Variants in AQP10 observed in about 807,000 individuals in gnomAD.
AQP10 encodes aquaporin 10.
AQP10 carries 15 observed loss-of-function variants against 21.0 expected under a neutral mutation model. That is an observed-to-expected ratio of 0.71 (90% CI 0.48 to 1.10). The LOEUF (loss-of-function observed/expected upper bound fraction) is 1.10. Ranked by LOEUF, AQP10 falls within the 50% of genes least tolerant of loss-of-function variation. The probability of loss-of-function intolerance (pLI) is 0.00; values close to 1 mark genes in which losing one functional copy is unlikely to be tolerated. For synonymous variants in AQP10, 143 were observed against 155.7 expected, an observed-to-expected ratio of 0.92 and a Z score of 0.61; for missense variants, 268 against 379.5, an observed-to-expected ratio of 0.71 and a Z score of 2.44.
intron 1 of AQP10, 53 bp downstream of exon 1, chr1:154,321,313 G>C: frequency 6.9e-7 from 1 of 1,447,198 alleles, no homozygotes; most frequent in Non-Finnish European, 9.5e-7. Context: ...AAAGTTCCTG[G>C]CTCCTTCTGT....
intron 5 of AQP10, chr1:154,324,067 T>C (rs1219156136): frequency 7.7e-7 from 1 of 1,300,086 alleles, no homozygotes; most frequent in African/African-American, 1.5e-5. Context: ...AAAATTAATA[T>C]ATTCAGATAA....
At position 154,323,541 on chromosome 1, in the gene AQP10, G is replaced by C; in HGVS notation, c.490-48G>C. On this transcript the variant is annotated intron_variant, in intron 4 of 5. Transcript: ENST00000324978. The surrounding 1 kb of genome is among the most constrained non-coding windows in gnomAD (Gnocchi z 4.5). ...ATATTTGGATGAGAGAGGGCAGATG[G>C]AGCACCTGGCAGCTGACAGGGAACC... is the stretch of plus-strand genomic sequence containing the variant. 1 of 1,586,334 alleles carries C rather than the reference G, an allele frequency of 6.3e-7. No individual in the cohort carries two copies. The highest frequency in any genetic ancestry group is 8.6e-7 in the Non-Finnish European group (1 of 1,160,476).
At chr1:154,322,489 C>CTTCTTCTTCTTTTTT (rs376265152) in intron 2 of AQP10, among the ~76,000 whole-genome samples, 7 of 117,854 alleles carry the variant, frequency 5.9e-5, no homozygotes, top group South Asian at 2.9e-4. Flanking sequence ...GTGTCTTCTT[C>CTTCTTCTTCTTTTTT]TTTTTTTTTT....
At position 154,323,391 on chromosome 1, in the gene AQP10, C is replaced by G; in HGVS notation, c.489+32C>G. On this transcript the variant is annotated intron_variant, in intron 4 of 5. Coordinates refer to ENST00000324978, the MANE Select transcript of AQP10 (RefSeq NM_080429.3). This position sits in a 1 kb window ranked among gnomAD's most constrained non-coding sequence, Gnocchi z 4.5. The stretch of plus-strand genomic sequence containing the variant: ...GTGAGGGGGAGACCTGGGGACACTA[C>G]TTTGGTCCTGTTCCTCGGCACCCCA... The G allele has an allele frequency of 6.3e-7, 1 of 1,598,930 alleles. No individual in the cohort carries two copies. Among genetic ancestry groups the G allele is most frequent in the Non-Finnish European group, 8.6e-7 (1 of 1,167,448 alleles).
chr1:154,322,422 C>G (rs1208466420), intron 2 of AQP10, among the ~76,000 whole-genome samples: 1 of 151,018 alleles, frequency 6.6e-6, no homozygotes, highest in Non-Finnish European at 1.5e-5. Context: ...AGCCTTGAGA[C>G]ATAGTGTGTT....
In AQP10 at chr1:154,323,811, G is replaced by C; in HGVS notation, c.707+5G>C. ...CTGGGGTCCTGAAGTCTTCAGGTGG[G>C]AGACAGACTCTCCTGGTGCTGGCCT... On this transcript the variant is annotated splice_donor_5th_base_variant and intron_variant, in intron 5 of 5. Transcript: ENST00000324978. This position sits in a 1 kb window ranked among gnomAD's most constrained non-coding sequence, Gnocchi z 4.5. The C allele has an allele frequency of 6.2e-7, 1 of 1,613,680 alleles. No homozygotes were observed. The highest frequency in any genetic ancestry group is 8.5e-7 in the Non-Finnish European group (1 of 1,179,746).
At position 154,324,651 on chromosome 1, in the gene AQP10, T is replaced by A. The variant is rs1215166875; in HGVS notation, c.*171T>A. Reference sequence around the variant, plus strand: ...AAGAAGGATCCTGGACAGGGAGAAGTGGAGGAGGATAAGGTACCAGGACTC... The same window carrying A: ...AAGAAGGATCCTGGACAGGGAGAAGAGGAGGAGGATAAGGTACCAGGACTC... On this transcript the variant is annotated 3_prime_UTR_variant, in exon 6 of 6. Coordinates refer to ENST00000324978, the MANE Select transcript of AQP10 (RefSeq NM_080429.3). 8 of 662,108 alleles carry A rather than the reference T, an allele frequency of 1.2e-5. No individual in the cohort carries two copies. Among genetic ancestry groups the A allele is most frequent in the Non-Finnish European group, 1.9e-5 (8 of 415,038 alleles). 41.0% of individuals were successfully genotyped at this position (662,108 alleles called of 1,614,324 possible). A position where few individuals can be genotyped will look rare whatever the true frequency, so the allele number is the denominator to read the frequency against.
At position 154,324,805 on chromosome 1, in the gene AQP10, C is replaced by T. The variant is rs1024564624; in HGVS notation, c.*325C>T. On this transcript the variant is annotated 3_prime_UTR_variant, in exon 6 of 6. Transcript: ENST00000324978. The stretch of plus-strand genomic sequence containing the variant: ...GGATGGGGACGGCTGCGGGCATCTG[C>T]AGGGTGGAGGGGGCCACCATCCAGT... 1.3e-5 allele frequency: 3 copies of T among 225,738 alleles called. No homozygotes were observed. The highest frequency in any genetic ancestry group is 4.6e-5 in the African/African-American group (2 of 43,372). The allele number at this position is 225,738 out of a possible 1,614,324, so 14.0% of individuals were successfully genotyped here. A position where few individuals can be genotyped will look rare whatever the true frequency, so the allele number is the denominator to read the frequency against.
intron 1 of AQP10, among the ~76,000 whole-genome samples, chr1:154,321,713 C>T (rs896613835): frequency 6.6e-6 from 1 of 152,176 alleles, no homozygotes; most frequent in African/African-American, 2.4e-5. Context: ...CCCTCAAATG[C>T]CTATGAGTTG....
chr1:154,321,699 T>G (rs1281919405), intron 1 of AQP10, among the ~76,000 whole-genome samples: 1 of 152,234 alleles, frequency 6.6e-6, no homozygotes, highest in East Asian at 1.9e-4. Context: ...GCCATGGGTT[T>G]GTACCCTCAA....
chr1:154,324,023 C>T (rs1685706841), intron 5 of AQP10: 1 of 1,415,796 alleles, frequency 7.1e-7, no homozygotes, highest in Non-Finnish European at 9.3e-7. Flanking sequence ...AGGCATGCCA[C>T]ATTACTTCCA....
At chr1:154,322,481 G>A (rs1685666631) in intron 2 of AQP10, among the ~76,000 whole-genome samples, 2 of 129,132 alleles carry the variant, frequency 1.5e-5, no homozygotes, top group African/African-American at 3.0e-5. Flanking sequence ...GATTCACAGT[G>A]TCTTCTTCTT....
At position 154,324,353 on chromosome 1, in the gene AQP10, ACCAG is replaced by A. The variant is rs1450034559; in HGVS notation, c.781_784del (p.Gln261CysfsTer42). 1 of 1,609,710 alleles carries A rather than the reference ACCAG, an allele frequency of 6.2e-7. No homozygotes were observed. Among genetic ancestry groups the A allele is most frequent in the South Asian group, 1.1e-5 (1 of 90,670 alleles). ...GGGGCCACCGTTGGCACAGCCACTT[ACCAG>A]CTGTTGGTGGCTCTGCACCACCCTG... On this transcript the variant is annotated frameshift_variant, in exon 6 of 6. Transcript: ENST00000324978. LOFTEE classifies it low-confidence loss of function (END_TRUNC).
rs748209434 is a variant in AQP10 at position 154,323,542 on chromosome 1, A to G, written c.490-47A>G. 1 of 1,582,694 alleles carries G rather than the reference A, an allele frequency of 6.3e-7. No individual in the cohort carries two copies. The highest frequency in any genetic ancestry group is 1.7e-5 in the Admixed American group (1 of 58,910). On this transcript the variant is annotated intron_variant, in intron 4 of 5. Coordinates refer to ENST00000324978, the MANE Select transcript of AQP10 (RefSeq NM_080429.3). The surrounding 1 kb of genome is among the most constrained non-coding windows in gnomAD (Gnocchi z 4.5). ...TATTTGGATGAGAGAGGGCAGATGG[A>G]GCACCTGGCAGCTGACAGGGAACCC...
rs1158005561 is a variant in AQP10, at chr1:154,322,027, C to T, written c.200C>T (p.Thr67Met). The stretch of plus-strand genomic sequence containing the variant: ...TTTCTGGCTGGCTCTCTGGCCGTTA[C>T]GATAGCCATCTACGTGGGTGGTAAC... The part of the protein sequence containing the change: ...TMFLAGSLAV[T>M]IAIYVGGNVS... The change falls in exon 2 of 6, where the codon ACG (threonine) becomes ATG (methionine). Residue 67 changes from threonine (T) to methionine (M), a missense_variant. Physicochemically the swap from Thr to Met is moderately conservative, Grantham distance 81 (BLOSUM62 -1). Coordinates refer to ENST00000324978, the MANE Select transcript of AQP10 (RefSeq NM_080429.3). The T allele has an allele frequency of 2.5e-6, 4 of 1,613,556 alleles. No homozygotes were observed. The highest frequency in any genetic ancestry group is 2.2e-5 in the East Asian group (1 of 44,890).
At position 154,322,055 on chromosome 1, in the gene AQP10, C is replaced by A; in HGVS notation, c.228C>A (p.Val76=). The A allele has an allele frequency of 6.2e-7, 1 of 1,613,240 alleles. No individual in the cohort carries two copies. The highest frequency in any genetic ancestry group is 8.5e-7 in the Non-Finnish European group (1 of 1,179,590). The part of the protein sequence containing the change: ...VTIAIYVGGN[V]SGAHLNPAFS... ...TAGCCATCTACGTGGGTGGTAACGT[C>A]TCAGGTGAGGAGGGTGGGGTCTGGT... The change falls in exon 2 of 6, where the codon GTC becomes GTA. Residue 76 remains valine (V), a synonymous_variant. Transcript: ENST00000324978.
At position 154,324,609 on chromosome 1, in the gene AQP10, T is replaced by C; in HGVS notation, c.*129T>C. 1 of 922,338 alleles carries C rather than the reference T, an allele frequency of 1.1e-6. No individual in the cohort carries two copies. The highest frequency in any genetic ancestry group is 1.6e-6 in the Non-Finnish European group (1 of 626,170). 57.1% of individuals were successfully genotyped at this position (922,338 alleles called of 1,614,324 possible). ...GGCTTCTCTGTTTATCTGTTTGGCA[T>C]CCCTTCCTCCTAAACTAAGAAGGAT... On this transcript the variant is annotated 3_prime_UTR_variant, in exon 6 of 6. Transcript: ENST00000324978.
rs111881137 is a variant in AQP10 at position 154,323,158 on chromosome 1, C to A, written c.370+39C>A. The stretch of plus-strand genomic sequence containing the variant: ...CAGAGGGAGCTGTGCCTTGAGAGCA[C>A]CTGTGGGTGGGCAGGGGTGCCTCAG... On this transcript the variant is annotated intron_variant, in intron 3 of 5. Transcript: ENST00000324978. This position sits in a 1 kb window ranked among gnomAD's most constrained non-coding sequence, Gnocchi z 4.5. 1.9e-6 allele frequency: 3 copies of A among 1,613,854 alleles called. No individual in the cohort carries two copies. The African/African-American group carries it at 4.0e-5, about 22-fold the overall frequency.
In AQP10 at chr1:154,323,764, G is replaced by A. The variant is rs200639079; in HGVS notation, c.665G>A (p.Arg222His). 3.7e-6 allele frequency: 6 copies of A among 1,614,080 alleles called. No homozygotes were observed. The African/African-American group carries it at 4.0e-5, about 11-fold the overall frequency. The change falls in exon 5 of 6, where the codon CGT becomes CAT. Residue 222 changes from arginine to histidine, a missense_variant. This residue lies in a region of AQP10 where 229 missense variants were observed against 295.1 expected (regional missense o/e 0.78). Transcript: ENST00000324978. The surrounding 1 kb of genome is among the most constrained non-coding windows in gnomAD (Gnocchi z 4.5). ...PLNPARDLGP[R>H]LFTYVAGWGP... Reference sequence around the variant, plus strand: ...AACCCTGCCCGGGACCTGGGCCCACGTCTCTTCACCTACGTGGCTGGCTGG... The same window carrying A: ...AACCCTGCCCGGGACCTGGGCCCACATCTCTTCACCTACGTGGCTGGCTGG...
Sources: allele counts gnomAD v4.1 joint callset (sites outside exome capture counted in the v4.1 genomes callset), GRCh38; gene constraint gnomAD v4.1.1; regional missense constraint gnomAD v4.1.1; non-coding constraint Gnocchi (gnomAD v3.1); transcripts MANE v1.5; gene names NCBI Gene and HGNC (gene_info 2026-07-23, HGNC 2026-07-21).